CDH18: variants seen among roughly 807,000 people sequenced by gnomAD.
CDH18 encodes cadherin 18.
CDH18 carries 31 observed loss-of-function variants against 67.9 expected under a neutral mutation model. That is an observed-to-expected ratio of 0.46 (90% confidence interval 0.34 to 0.62). CDH18 has a LOEUF of 0.62. Ranked by LOEUF, CDH18 falls within the 20% of genes least tolerant of loss-of-function variation. CDH18 has a pLI of 0.01. For missense variants in CDH18, 890 were observed against 975.5 expected (o/e 0.91, Z 1.17); for synonymous variants, 362 against 347.2 (o/e 1.04, Z -0.48).
chr5:20,241,861 A>ATAAAAT (rs57928837), intron 2 of CDH18, among the ~76,000 whole-genome samples: 2 of 127,286 alleles, frequency 1.6e-5, no homozygotes, highest in Non-Finnish European at 3.1e-5. Flanking sequence ...CAAAAAAAAA[A>ATAAAAT]AAAATAAAAT....
At chr5:20,092,646 T>C (rs529380506) in intron 2 of CDH18, among the ~76,000 whole-genome samples, 1 of 152,338 alleles carries the variant, frequency 6.6e-6, no homozygotes, top group East Asian at 1.9e-4. Flanking sequence ...GTTCATCTTA[T>C]CTATCACTTC....
chr5:20,441,054 A>T (rs1749566495), intron 1 of CDH18, among the ~76,000 whole-genome samples: 2 of 151,922 alleles, frequency 1.3e-5, no homozygotes, highest in African/African-American at 4.9e-5. Context: ...AGATTTCACC[A>T]TGCCGAGCTT....
intron 4 of CDH18, 38 bp downstream of exon 4, chr5:19,746,904 T>C: frequency 6.4e-7 from 1 of 1,556,126 alleles, no homozygotes; most frequent in South Asian, 1.2e-5. Context: ...ATTTTCTTAA[T>C]ATGTTAATTG....
chr5:20,086,600 C>T (rs932246796), intron 2 of CDH18, among the ~76,000 whole-genome samples: 1 of 152,106 alleles, frequency 6.6e-6, no homozygotes, highest in Admixed American at 6.5e-5. Context: ...AAAGCCATTG[C>T]TCATTTACCA....
At chr5:19,497,319 C>A (rs1742512437) in intron 11 of CDH18, among the ~76,000 whole-genome samples, 1 of 152,090 alleles carries the variant, frequency 6.6e-6, no homozygotes, top group Non-Finnish European at 1.5e-5. Context: ...TGTGTATAGA[C>A]CACATTTTCT....
In CDH18 at chr5:19,779,972, T is replaced by C. The variant is rs542186234; in HGVS notation, c.229-32736A>G. Among the ~76,000 whole-genome samples the C allele has an allele frequency of 1.4e-4, 21 of 152,294 alleles. No homozygotes were observed. The South Asian group carries it at 4.4e-3, about 32-fold the overall frequency. ...TGCTTCCATATAACAATGTGAATTTTAAAATTATATATCATGCTAAGAATT... is the reference window on the plus strand; with the variant it reads ...TGCTTCCATATAACAATGTGAATTTCAAAATTATATATCATGCTAAGAATT... On this transcript the variant is annotated intron_variant, in intron 3 of 12. Transcript: ENST00000382275.
intron 3 of CDH18, among the ~76,000 whole-genome samples, chr5:19,748,108 A>G (rs1417743754): frequency 3.7e-5 from 5 of 133,528 alleles, no homozygotes; most frequent in African/African-American, 5.7e-5. Flanking sequence ...GCGAGACTCC[A>G]TCTCAAAAAA....
At chr5:19,495,119 T>C (rs1469551749) in intron 11 of CDH18, among the ~76,000 whole-genome samples, 8 of 152,156 alleles carry the variant, frequency 5.3e-5, no homozygotes, top group Non-Finnish European at 1.0e-4. Context: ...GGAATATTGG[T>C]TGAAATGGTG....
At chr5:19,938,603 A>G (rs1018212782) in intron 2 of CDH18, among the ~76,000 whole-genome samples, 7 of 151,566 alleles carry the variant, frequency 4.6e-5, no homozygotes, top group African/African-American at 1.4e-4. Context: ...ACCATATTCA[A>G]TGTCATGGCT....
intron 2 of CDH18, among the ~76,000 whole-genome samples, chr5:20,201,046 G>A (rs905905612): frequency 1.3e-5 from 2 of 151,912 alleles, no homozygotes; most frequent in Admixed American, 1.3e-4. Context: ...GACATTTATT[G>A]TCCCAAAGTT....
At chr5:19,811,327 G>A (rs1008444058) in intron 3 of CDH18, among the ~76,000 whole-genome samples, 1 of 152,062 alleles carries the variant, frequency 6.6e-6, no homozygotes, top group Non-Finnish European at 1.5e-5. Context: ...TCAATGTAAG[G>A]TAGGGTCATT....
intron 2 of CDH18, among the ~76,000 whole-genome samples, chr5:19,892,735 C>T (rs1431849412): frequency 1.3e-5 from 2 of 152,008 alleles, no homozygotes; most frequent in African/African-American, 4.8e-5. Context: ...TAGAAAGGTA[C>T]CGATTCCGAG....
At chr5:19,524,816 G>A (rs905341427) in intron 9 of CDH18, among the ~76,000 whole-genome samples, 1 of 152,028 alleles carries the variant, frequency 6.6e-6, no homozygotes, top group Non-Finnish European at 1.5e-5. Context: ...CGCGATCTCC[G>A]CTCACTACAA....
chr5:20,012,094 A>G (rs774892430), intron 2 of CDH18, among the ~76,000 whole-genome samples: 6 of 151,856 alleles, frequency 4.0e-5, no homozygotes, highest in South Asian at 2.1e-4. Flanking sequence ...TTGGAAGACT[A>G]TAACTGCCTC....
At chr5:20,546,748 T>TACACAC (rs72287076) in intron 1 of CDH18, among the ~76,000 whole-genome samples, 9,559 of 141,222 alleles carry the variant, frequency 0.068, 439 homozygotes, top group East Asian at 0.25. Flanking sequence ...CATACATACA[T>TACACAC]AGACACACAC....
intron 2 of CDH18, among the ~76,000 whole-genome samples, chr5:20,171,511 T>C (rs1736708106): frequency 6.6e-6 from 1 of 152,104 alleles, no homozygotes; most frequent in South Asian, 2.1e-4. Flanking sequence ...CACATGTATG[T>C]CTTCTTTTAA....
rs1244464978 is a variant in CDH18, at chr5:20,362,281, C to CA, written c.-579-106777dup. 2.0e-5 allele frequency among the ~76,000 whole-genome samples: 3 copies of CA among 152,084 alleles called. No individual in the cohort carries two copies. The East Asian group carries it at 5.8e-4, about 30-fold the overall frequency. ...GTACACTGTGGCACAGCTTCTAATG[C>CA]AAAATGGGACTGGGCTCAATGAAAA... On this transcript the variant is annotated intron_variant, in intron 1 of 14. Transcript: ENST00000507958.
intron 2 of CDH18, among the ~76,000 whole-genome samples, chr5:20,184,311 A>C (rs1250819043): frequency 1.3e-5 from 2 of 152,086 alleles, no homozygotes; most frequent in African/African-American, 4.8e-5. Context: ...TACTATTCTT[A>C]ATCTAAGAAA....
intron 2 of CDH18, among the ~76,000 whole-genome samples, chr5:20,123,534 C>A (rs1343641193): frequency 1.3e-5 from 2 of 152,184 alleles, no homozygotes; most frequent in African/African-American, 4.8e-5. Flanking sequence ...CATTATTTCC[C>A]CAGTTCCACG....
Sources: gnomAD v4.1 joint callset for allele counts (sites outside exome capture counted in the v4.1 genomes callset) on GRCh38, gnomAD v4.1.1 for gene constraint, MANE v1.5 for transcripts, NCBI Gene and HGNC (gene_info 2026-07-23, HGNC 2026-07-21) for gene names.